The following DISC1 variants were observed in gnomAD, a reference collection of about 807,000 sequenced individuals.
The protein encoded by DISC1 is DISC1 scaffold protein, also known as disrupted in schizophrenia 1 protein.
DISC1 carries 57 observed loss-of-function variants against 84.5 expected under a neutral mutation model. The observed-to-expected ratio is 0.67, with a 90% confidence interval of 0.55 to 0.84. DISC1 has a LOEUF of 0.84. DISC1 is among the 40% of genes least tolerant of loss of function. The pLI is 0.00. For missense variants in DISC1, 1,000 were observed against 1,057.8 expected (o/e 0.95, Z 0.76); for synonymous variants, 411 against 415.2 (o/e 0.99, Z 0.12).
intron 8 of DISC1, among the ~76,000 whole-genome samples, chr1:231,812,178 C>T (rs1246918378): frequency 6.6e-6 from 1 of 152,078 alleles, no homozygotes; most frequent in Admixed American, 6.6e-5. Context: ...ACCTCAGCCT[C>T]CCAAGTAGCT....
chr1:231,861,987 T>G (rs749817390), intron 9 of DISC1, among the ~76,000 whole-genome samples: 21 of 152,224 alleles, frequency 1.4e-4, no homozygotes, highest in Non-Finnish European at 1.0e-4. Context: ...ATTTCCATAG[T>G]GTAAATCTCC....
At chr1:231,855,012 G>T in intron 9 of DISC1, 1 of 1,077,894 alleles carries the variant, frequency 9.3e-7, no homozygotes, top group Non-Finnish European at 1.1e-6. Context: ...CACTGTGCCT[G>T]GCCCCTACAA....
chr1:231,677,692 C>T (rs58403453), intron 1 of DISC1, among the ~76,000 whole-genome samples: 44,286 of 152,022 alleles, frequency 0.29, 7,602 homozygotes, highest in East Asian at 0.58. Flanking sequence ...AAATCCAACA[C>T]TTCATGCCAG....
At position 231,833,560 on chromosome 1, in the gene DISC1, G is replaced by A. The variant is rs956430670; in HGVS notation, c.1981+15043G>A. Among the ~76,000 whole-genome samples the A allele has an allele frequency of 1.3e-4, 20 of 151,906 alleles. No individual in the cohort carries two copies. The South Asian group carries it at 1.5e-3, about 11-fold the overall frequency. On this transcript the variant is annotated intron_variant, in intron 9 of 12. Transcript: ENST00000439617. ...GGGGCTCTGGGAGTGGCTGCCAGGT[G>A]AGTTGAACAGTCCGATTTTCAGTGG...
chr1:231,733,322 G>C (rs2071870178), intron 3 of DISC1, among the ~76,000 whole-genome samples: 1 of 150,970 alleles, frequency 6.6e-6, no homozygotes, highest in East Asian at 2.0e-4. Context: ...TAGGAGTGGT[G>C]GTGATGGTGG....
intron 1 of DISC1, among the ~76,000 whole-genome samples, chr1:231,678,395 A>G (rs1287813701): frequency 2.6e-5 from 4 of 152,118 alleles, no homozygotes; most frequent in African/African-American, 4.8e-5. Context: ...TTCCACTATT[A>G]TGGTTGAAGT....
intron 8 of DISC1, among the ~76,000 whole-genome samples, chr1:231,811,769 C>T (rs557610411): frequency 2.0e-5 from 3 of 152,156 alleles, no homozygotes; most frequent in South Asian, 2.1e-4. Flanking sequence ...GACTAAGTCA[C>T]TTATTGACAT....
At position 232,026,281 on chromosome 1, in the gene DISC1, A is replaced by G. The variant is rs554112150; in HGVS notation, c.2308-154A>G. 3.3e-5 allele frequency among the ~76,000 whole-genome samples: 5 copies of G among 152,300 alleles called. No individual in the cohort carries two copies. The South Asian group carries it at 1.0e-3, about 32-fold the overall frequency. ...GGTCATAACTTGAAATCAGTTCACA[A>G]CTTCTCAAGTTTGATACCCAGGGGA... On this transcript the variant is annotated intron_variant, in intron 11 of 12. Transcript: ENST00000439617.
intron 1 of DISC1, chr1:231,670,880 T>G (rs1204436541): frequency 6.6e-6 from 1 of 152,226 alleles, no homozygotes; most frequent in Non-Finnish European, 1.5e-5. Flanking sequence ...TATGGTTGTT[T>G]TAGTATCCAA....
chr1:231,754,607 T>A (rs1178850464), intron 4 of DISC1, among the ~76,000 whole-genome samples: 1 of 152,128 alleles, frequency 6.6e-6, no homozygotes, highest in African/African-American at 2.4e-5. Flanking sequence ...AACATGAGAT[T>A]TGGGTGGGGA....
intron 3 of DISC1, among the ~76,000 whole-genome samples, chr1:231,738,047 G>A (rs1206757738): frequency 2.6e-5 from 4 of 151,928 alleles, no homozygotes; most frequent in Non-Finnish European, 5.9e-5. Context: ...ATGGGGTTTT[G>A]CCATGTTCCC....
Position 231,850,577 on chromosome 1 carries a change from G to A in DISC1, c.1981+32060G>A, listed in dbSNP as rs868271554. ...TAAAAAAATACACTGTAGAGATATCGATCCTGTACGAATGCAACCTAAGTT... is the reference window on the plus strand; with the variant it reads ...TAAAAAAATACACTGTAGAGATATCAATCCTGTACGAATGCAACCTAAGTT... On this transcript the variant is annotated intron_variant, in intron 9 of 12. Transcript: ENST00000439617. Among the ~76,000 whole-genome samples the A allele has an allele frequency of 5.3e-5, 8 of 152,196 alleles. No individual in the cohort carries two copies. The East Asian group carries it at 5.8e-4, about 11-fold the overall frequency.
At chr1:231,939,928 A>G (rs1412723389) in intron 9 of DISC1, among the ~76,000 whole-genome samples, 2 of 151,822 alleles carry the variant, frequency 1.3e-5, no homozygotes, top group Non-Finnish European at 2.9e-5. Context: ...TTTTTAGTAG[A>G]GATGGGGTTT....
Position 231,954,847 on chromosome 1 carries a change from C to G in DISC1, c.1982-3981C>G, listed in dbSNP as rs1244779043. ...TGTGAGTCAACTTAGTGAATACATG[C>G]AAGGTACTTTTAGGCTGTCTGGCTG... On this transcript the variant is annotated intron_variant, in intron 9 of 12. Coordinates refer to ENST00000439617, the MANE Select transcript of DISC1 (RefSeq NM_018662.3). This position sits in a 1 kb window ranked among gnomAD's most constrained non-coding sequence, Gnocchi z 4.8. 6.6e-6 allele frequency among the ~76,000 whole-genome samples: 1 copy of G among 152,210 alleles called. No individual in the cohort carries two copies.
chr1:232,023,454 T>C (rs1669151936), intron 11 of DISC1, among the ~76,000 whole-genome samples: 1 of 152,184 alleles, frequency 6.6e-6, no homozygotes, highest in African/African-American at 2.4e-5. Flanking sequence ...GTTATTTCAA[T>C]TTAAATGAAC....
chr1:231,738,014 C>A (rs918737341), intron 3 of DISC1, among the ~76,000 whole-genome samples: 3 of 152,158 alleles, frequency 2.0e-5, no homozygotes, highest in Non-Finnish European at 4.4e-5. Flanking sequence ...TGTGCCACTG[C>A]ACCTGGCTAA....
chr1:231,918,262 A>G (rs1459917196), intron 9 of DISC1, among the ~76,000 whole-genome samples: 1 of 152,052 alleles, frequency 6.6e-6, no homozygotes, highest in Non-Finnish European at 1.5e-5. Context: ...TTCCTACTTT[A>G]ATTTGTTTGT....
At chr1:231,875,197 G>A (rs999710) in intron 9 of DISC1, among the ~76,000 whole-genome samples, 58,524 of 152,042 alleles carry the variant, frequency 0.38, 11,485 homozygotes, top group East Asian at 0.51. Context: ...AATGTTTGGA[G>A]TAGATGATCC....
At chr1:232,011,152 G>C (rs909642440) in intron 11 of DISC1, among the ~76,000 whole-genome samples, 1 of 152,058 alleles carries the variant, frequency 6.6e-6, no homozygotes, top group Non-Finnish European at 1.5e-5. Flanking sequence ...AGGAGGATTC[G>C]TTTTCCTGCA....
Sources: gnomAD v4.1 joint callset for allele counts (sites outside exome capture counted in the v4.1 genomes callset) on GRCh38, gnomAD v4.1.1 for gene constraint, Gnocchi (gnomAD v3.1) non-coding constraint, MANE v1.5 for transcripts, NCBI Gene and HGNC (gene_info 2026-07-23, HGNC 2026-07-21) for gene names.